TENM3: variants seen among roughly 807,000 people sequenced by gnomAD.
TENM3 encodes the protein teneurin transmembrane protein 3.
A neutral mutation model predicts 255.1 loss-of-function variants in TENM3; 63 were observed. The observed-to-expected ratio is 0.25, with a 90% confidence interval of 0.20 to 0.30. TENM3 has a LOEUF of 0.30. Among genes scored for constraint, TENM3 ranks in the 10% least tolerant of loss-of-function variants. The probability of loss-of-function intolerance (pLI) is 1.00; values close to 1 mark genes in which losing one functional copy is unlikely to be tolerated. For synonymous variants in TENM3, 1,306 were observed against 1,322.3 expected (o/e 0.99, Z 0.27); for missense variants, 2,929 against 3,461.1 (o/e 0.85, Z 3.86).
intron 3 of TENM3, among the ~76,000 whole-genome samples, chr4:182,553,102 T>C (rs749741626): frequency 3.3e-5 from 5 of 152,048 alleles, no homozygotes; most frequent in Non-Finnish European, 7.4e-5. Context: ...TTCTACTTTT[T>C]TAGACAGGGT....
chr4:182,250,877 A>T (rs1330303279), intron 1 of TENM3, among the ~76,000 whole-genome samples: 1 of 152,230 alleles, frequency 6.6e-6, no homozygotes, highest in African/African-American at 2.4e-5. Flanking sequence ...ACCAACTGTC[A>T]CCTGATTCCA....
intron 1 of TENM3, among the ~76,000 whole-genome samples, chr4:182,208,236 TCACCC>T (rs1754718053): frequency 6.6e-6 from 1 of 152,218 alleles, no homozygotes; most frequent in African/African-American, 2.4e-5. Context: ...CACTGGGTAA[TCACCC>T]CATTAAGAAG....
At chr4:181,629,636 G>A in the TENM3 span, among the ~76,000 whole-genome samples, 7 of 152,142 alleles carry the variant, frequency 4.6e-5, no homozygotes, top group African/African-American at 7.2e-5. Context: ...GCTGGATTAC[G>A]TTTATTGATT....
At chr4:182,741,239 G>A (rs546039002) in intron 18 of TENM3, among the ~76,000 whole-genome samples, 16 of 152,322 alleles carry the variant, frequency 1.1e-4, no homozygotes, top group Middle Eastern at 6.8e-3. Context: ...CAGCCACAGG[G>A]TGAACAGATT....
chr4:181,911,060 T>G, the TENM3 span, among the ~76,000 whole-genome samples: 1 of 152,226 alleles, frequency 6.6e-6, no homozygotes, highest in African/African-American at 2.4e-5. Flanking sequence ...TGTAGCTTAT[T>G]TTATTTAAAA....
At chr4:181,484,568 G>T in the TENM3 span, among the ~76,000 whole-genome samples, 1 of 152,110 alleles carries the variant, frequency 6.6e-6, no homozygotes, top group African/African-American at 2.4e-5. Flanking sequence ...AGTAATTAGG[G>T]CTTTGTAACT....
the TENM3 span, among the ~76,000 whole-genome samples, chr4:181,673,687 T>C: frequency 6.6e-6 from 1 of 152,112 alleles, no homozygotes; most frequent in African/African-American, 2.4e-5. Flanking sequence ...CTAAGAATAC[T>C]GATAAAATAA....
chr4:181,894,365 A>G, the TENM3 span, among the ~76,000 whole-genome samples: 6,066 of 152,168 alleles, frequency 0.04, 418 homozygotes, highest in African/African-American at 0.14. Context: ...TGCCGTGGAG[A>G]CCTACCTGTA....
At chr4:182,479,102 C>A (rs993093539) in intron 3 of TENM3, among the ~76,000 whole-genome samples, 2 of 139,956 alleles carry the variant, frequency 1.4e-5, no homozygotes, top group African/African-American at 5.1e-5. Flanking sequence ...GGACCCAATA[C>A]TTGTCATAAT....
chr4:182,233,105 G>A (rs1242034824), intron 1 of TENM3, among the ~76,000 whole-genome samples: 1 of 152,150 alleles, frequency 6.6e-6, no homozygotes, highest in Non-Finnish European at 1.5e-5. Flanking sequence ...CAGGCTTCCA[G>A]ATCACCCAGA....
In TENM3 at chr4:182,792,394, A is replaced by G. The variant is rs775844707; in HGVS notation, c.5722A>G (p.Ile1908Val). ...CCACACCATGCAGACCATCCGATCC[A>G]TTGGCTACTACCGCAACATATACAA... Reference protein sequence around the residue: ...ARHTMQTIRSIGYYRNIYNPP... With the variant: ...ARHTMQTIRSVGYYRNIYNPP... The change falls in exon 26 of 28, where the codon ATT becomes GTT. Residue 1908 changes from isoleucine (I) to valine (V), a missense_variant. Ile to Val is a conservative substitution (Grantham distance 29). Around this residue, in one of 6 missense-constraint regions of TENM3, gnomAD observed 303 missense variants for 425.2 expected, o/e 0.71. Transcript: ENST00000511685. This position sits in a 1 kb window ranked among gnomAD's most constrained non-coding sequence, Gnocchi z 6.3. The G allele has an allele frequency of 4.3e-6, 7 of 1,613,934 alleles. No homozygotes were observed. In the Admixed American group the frequency reaches 5.0e-5, roughly 12 times the overall value.
At chr4:181,746,594 A>G in the TENM3 span, among the ~76,000 whole-genome samples, 1 of 152,074 alleles carries the variant, frequency 6.6e-6, no homozygotes, top group East Asian at 1.9e-4. Context: ...TATACTTTCT[A>G]TTGACAGCCA....
At chr4:181,570,546 A>AAAG in the TENM3 span, among the ~76,000 whole-genome samples, 1 of 151,564 alleles carries the variant, frequency 6.6e-6, no homozygotes, top group South Asian at 2.1e-4. Context: ...AGAAAGAAAG[A>AAAG]AAAGAGAGAG....
chr4:181,468,905 A>G, the TENM3 span, among the ~76,000 whole-genome samples: 810 of 152,316 alleles, frequency 5.3e-3, 5 homozygotes, highest in African/African-American at 0.019. Flanking sequence ...TTTGATTCCA[A>G]TGGACCCATT....
intron 1 of TENM3, among the ~76,000 whole-genome samples, chr4:182,235,661 C>T (rs535477631): frequency 6.7e-6 from 1 of 150,194 alleles, no homozygotes; most frequent in Admixed American, 6.6e-5. Context: ...CTACACACGA[C>T]CACACGGGAG....
At chr4:182,516,203 C>A (rs1737929232) in intron 3 of TENM3, among the ~76,000 whole-genome samples, 1 of 152,206 alleles carries the variant, frequency 6.6e-6, no homozygotes, top group South Asian at 2.1e-4. Flanking sequence ...AGGAACTATT[C>A]ATTCTGCAAA....
chr4:181,498,474 A>G, the TENM3 span, among the ~76,000 whole-genome samples: 1 of 152,178 alleles, frequency 6.6e-6, no homozygotes, highest in African/African-American at 2.4e-5. Context: ...AAAAGGCATG[A>G]TAAGCTTAAG....
At chr4:181,850,798 T>C in the TENM3 span, among the ~76,000 whole-genome samples, 18 of 152,198 alleles carry the variant, frequency 1.2e-4, no homozygotes, top group Non-Finnish European at 2.5e-4. Context: ...GCATCCTTTG[T>C]TCCACTGAGT....
the TENM3 span, among the ~76,000 whole-genome samples, chr4:181,525,396 C>CAAAAAAAAAAAAAAAAGAAAAA: frequency 1.0e-5 from 1 of 97,316 alleles, no homozygotes; most frequent in Admixed American, 1.1e-4. Context: ...GACCCTGTTT[C>CAAAAAAAAAAAAAAAAGAAAAA]AAAAAAAAAA....
Sources: gnomAD v4.1 joint callset for allele counts (sites outside exome capture counted in the v4.1 genomes callset) on GRCh38, gnomAD v4.1.1 for gene constraint, gnomAD v4.1.1 regional missense constraint, Gnocchi (gnomAD v3.1) non-coding constraint, MANE v1.5 for transcripts, NCBI Gene and HGNC (gene_info 2026-07-23, HGNC 2026-07-21) for gene names.